NAALADL2: variants seen among roughly 807,000 people sequenced by gnomAD.
NAALADL2 encodes the protein inactive N-acetylated-alpha-linked acidic dipeptidase-like protein 2.
In NAALADL2, 76 loss-of-function variants were observed where a neutral mutation model predicts 87.2. The ratio of observed to expected loss-of-function variants is 0.87; its 90% CI spans 0.72 to 1.05. The LOEUF (loss-of-function observed/expected upper bound fraction) is 1.05, where lower values mean the gene tolerates loss of function less well. Ranked by LOEUF, NAALADL2 falls within the 50% of genes least tolerant of loss-of-function variation. The probability of loss-of-function intolerance (pLI) is 0.00; values close to 1 mark genes in which losing one functional copy is unlikely to be tolerated. For missense variants in NAALADL2, 1,089 were observed against 945.8 expected (o/e 1.15, Z -1.99); for synonymous variants, 354 against 331.0 (o/e 1.07, Z -0.75).
chr3:175,493,985 A>G (rs1728473380), intron 9 of NAALADL2, among the ~76,000 whole-genome samples: 1 of 152,274 alleles, frequency 6.6e-6, no homozygotes, highest in African/African-American at 2.4e-5. Flanking sequence ...TGTTTGTAAC[A>G]TACAAGGCTT....
Position 175,176,530 on chromosome 3 carries a change from A to C in NAALADL2, c.546-57401A>C, listed in dbSNP as rs986503874. 5.3e-5 allele frequency among the ~76,000 whole-genome samples: 8 copies of C among 152,286 alleles called. No individual in the cohort carries two copies. The South Asian group carries it at 1.7e-3, about 32-fold the overall frequency. ...GTAACCTGTGAATATATTACCTTGCATGGCAAATGAAATATTGTACATGTG... is the reference window on the plus strand; with the variant it reads ...GTAACCTGTGAATATATTACCTTGCCTGGCAAATGAAATATTGTACATGTG... On this transcript the variant is annotated intron_variant, in intron 2 of 13. Transcript: ENST00000454872.
intron 1 of NAALADL2, among the ~76,000 whole-genome samples, chr3:174,471,400 A>G (rs1018865281): frequency 1.3e-5 from 2 of 152,102 alleles, no homozygotes; most frequent in Admixed American, 1.3e-4. Context: ...TTGAGTCCAA[A>G]TATAGAATCC....
intron 9 of NAALADL2, among the ~76,000 whole-genome samples, chr3:175,478,693 A>G (rs924008506): frequency 6.6e-6 from 1 of 151,850 alleles, no homozygotes; most frequent in African/African-American, 2.4e-5. Flanking sequence ...TTTGTCTGCA[A>G]TTTTTTGATT....
intron 1 of NAALADL2, among the ~76,000 whole-genome samples, chr3:174,924,292 A>G (rs1416241004): frequency 4.4e-5 from 6 of 137,612 alleles, no homozygotes; most frequent in Middle Eastern, 4.3e-3. Context: ...ATTCCCACCT[A>G]TGAGTGAGAA....
intron 9 of NAALADL2, among the ~76,000 whole-genome samples, chr3:175,526,871 C>T (rs746518166): frequency 1.3e-5 from 2 of 152,068 alleles, no homozygotes; most frequent in Non-Finnish European, 2.9e-5. Flanking sequence ...GAAATTAGAG[C>T]ATTTAGCTAA....
chr3:175,293,737 C>A (rs137999437), intron 4 of NAALADL2, among the ~76,000 whole-genome samples: 1 of 152,172 alleles, frequency 6.6e-6, no homozygotes, highest in African/African-American at 2.4e-5. Context: ...TGAAAGTGAA[C>A]CCTCATCAGA....
Position 175,809,916 on chromosome 3 carries a change from G to A in NAALADL2, c.*6713G>A. The A allele has an allele frequency of 6.6e-6, 1 of 151,488 alleles. No individual in the cohort carries two copies. The highest frequency in any genetic ancestry group is 1.9e-4 in the East Asian group (1 of 5,150). 9.4% of individuals were successfully genotyped at this position (151,488 alleles called of 1,614,324 possible). A position where few individuals can be genotyped will look rare whatever the true frequency, so the allele number is the denominator to read the frequency against. On this transcript the variant is annotated 3_prime_UTR_variant, in exon 14 of 14. Transcript: ENST00000454872. ...GGAGAAAATTTATAAATTAACCCAG[G>A]GTAAAATTTGGAGGAAAATTTTTCC...
chr3:174,604,999 C>G (rs900960536), intron 2 of NAALADL2, among the ~76,000 whole-genome samples: 2 of 152,058 alleles, frequency 1.3e-5, no homozygotes, highest in African/African-American at 4.8e-5. Context: ...GTGATCCACC[C>G]ACCTCAGCCT....
chr3:175,151,644 C>A (rs1015683629), intron 2 of NAALADL2, among the ~76,000 whole-genome samples: 2 of 152,048 alleles, frequency 1.3e-5, no homozygotes, highest in African/African-American at 4.8e-5. Context: ...CAAACAACAA[C>A]AACCAAAAAA....
chr3:175,008,821 T>C (rs1236543968), intron 1 of NAALADL2, among the ~76,000 whole-genome samples: 2 of 151,812 alleles, frequency 1.3e-5, no homozygotes, highest in African/African-American at 2.4e-5. Flanking sequence ...CATCATTTTT[T>C]GTAAAGAGAT....
intron 4 of NAALADL2, among the ~76,000 whole-genome samples, chr3:175,303,617 A>G (rs1050229428): frequency 6.6e-6 from 1 of 152,192 alleles, no homozygotes; most frequent in Admixed American, 6.5e-5. Flanking sequence ...TTCAGTTATC[A>G]TATTTCCCTT....
chr3:175,440,639 C>T (rs974636327), intron 5 of NAALADL2, among the ~76,000 whole-genome samples: 8 of 151,852 alleles, frequency 5.3e-5, no homozygotes, highest in African/African-American at 1.7e-4. Context: ...TAATTTGTTT[C>T]GCAGCTATTG....
chr3:174,981,041 TAAAC>T (rs1024432418), intron 1 of NAALADL2, among the ~76,000 whole-genome samples: 1 of 152,188 alleles, frequency 6.6e-6, no homozygotes, highest in African/African-American at 2.4e-5. Flanking sequence ...CTAGTTTCTG[TAAAC>T]AAACCTTAAA....
At chr3:175,654,565 C>A (rs1438811584) in intron 11 of NAALADL2, among the ~76,000 whole-genome samples, 1 of 152,158 alleles carries the variant, frequency 6.6e-6, no homozygotes, top group African/African-American at 2.4e-5. Flanking sequence ...AGCAATCCTG[C>A]ACCTATATAA....
At chr3:175,628,206 TGA>T (rs1360031007) in intron 11 of NAALADL2, among the ~76,000 whole-genome samples, 1 of 151,740 alleles carries the variant, frequency 6.6e-6, no homozygotes, top group Non-Finnish European at 1.5e-5. Flanking sequence ...ACAAATTACA[TGA>T]GACATTCAAG....
chr3:175,778,388 G>C (rs1371940026), intron 13 of NAALADL2, among the ~76,000 whole-genome samples: 1 of 152,186 alleles, frequency 6.6e-6, no homozygotes, highest in Non-Finnish European at 1.5e-5. Flanking sequence ...TACAAGGCAT[G>C]ATATGTACTT....
chr3:174,710,781 A>G (rs1378650425), intron 2 of NAALADL2, among the ~76,000 whole-genome samples: 1 of 152,178 alleles, frequency 6.6e-6, no homozygotes, highest in Non-Finnish European at 1.5e-5. Context: ...CCTGCCAGCA[A>G]CAAGAATGAA....
At chr3:174,833,549 T>G (rs1340279273) in intron 3 of NAALADL2, among the ~76,000 whole-genome samples, 1 of 152,078 alleles carries the variant, frequency 6.6e-6, no homozygotes, top group Non-Finnish European at 1.5e-5. Context: ...CCACGTATAT[T>G]ATGAAGCCAG....
At chr3:175,481,141 T>C (rs896671557) in intron 9 of NAALADL2, among the ~76,000 whole-genome samples, 2 of 151,954 alleles carry the variant, frequency 1.3e-5, no homozygotes, top group Non-Finnish European at 2.9e-5. Context: ...TAAGTGAATG[T>C]AGATGAACAA....
Sources: allele counts gnomAD v4.1 joint callset (sites outside exome capture counted in the v4.1 genomes callset), GRCh38; gene constraint gnomAD v4.1.1; transcripts MANE v1.5; gene names NCBI Gene and HGNC (gene_info 2026-07-23, HGNC 2026-07-21).